TCF4: variants seen among roughly 807,000 people sequenced by gnomAD.
TCF4 encodes the protein transcription factor 4, also known as SL3-3 enhancer factor 2.
TCF4 carries 3 observed loss-of-function variants against 82.1 expected under a neutral mutation model. That is an observed-to-expected ratio of 0.04 (90% confidence interval 0.02 to 0.09). The LOEUF (loss-of-function observed/expected upper bound fraction) is 0.09. Ranked by LOEUF, TCF4 falls within the 10% of genes least tolerant of loss-of-function variation. TCF4 has a pLI of 1.00. For missense variants in TCF4, 518 were observed against 852.7 expected, an observed-to-expected ratio of 0.61 and a Z score of 4.89; for synonymous variants, 276 against 309.6, an observed-to-expected ratio of 0.89 and a Z score of 1.14.
intron 2 of TCF4, among the ~76,000 whole-genome samples, chr18:55,622,988 T>C (rs977446489): frequency 4.0e-5 from 6 of 151,812 alleles, no homozygotes; most frequent in East Asian, 1.9e-4. Flanking sequence ...CAGAAAACCA[T>C]AGAGTGGCAG....
At chr18:55,322,592 C>A (rs892149257) in intron 8 of TCF4, among the ~76,000 whole-genome samples, 1 of 152,186 alleles carries the variant, frequency 6.6e-6, no homozygotes, top group Non-Finnish European at 1.5e-5. Flanking sequence ...CCGGCCTCCC[C>A]GGAGCTGGTG....
intron 8 of TCF4, among the ~76,000 whole-genome samples, chr18:55,304,858 G>A (rs897657517): frequency 2.6e-5 from 4 of 152,120 alleles, no homozygotes; most frequent in Non-Finnish European, 4.4e-5. Flanking sequence ...AGCCTGAACC[G>A]CCTTTCAAGC....
intron 5 of TCF4, among the ~76,000 whole-genome samples, chr18:55,420,899 GAA>G (rs377458803): frequency 3.5e-3 from 350 of 101,370 alleles, no homozygotes; most frequent in African/African-American, 8.7e-3. Flanking sequence ...CGCTTTAAAA[GAA>G]AAAAAAAAAA....
chr18:55,232,826 C>T (rs1475372685), intron 16 of TCF4, among the ~76,000 whole-genome samples, 155 bp from the exon 17 acceptor site: 1 of 152,224 alleles, frequency 6.6e-6, no homozygotes, highest in East Asian at 1.9e-4. Flanking sequence ...TCAAAAAATG[C>T]ACCTGCAGAA....
At chr18:55,301,026 AC>A (rs1328903094) in intron 8 of TCF4, among the ~76,000 whole-genome samples, 1 of 152,114 alleles carries the variant, frequency 6.6e-6, no homozygotes, top group Non-Finnish European at 1.5e-5. Flanking sequence ...GTCCCTCAGC[AC>A]ATCCGGCCTG....
chr18:55,514,900 G>A (rs914454120), intron 3 of TCF4, among the ~76,000 whole-genome samples: 1 of 151,732 alleles, frequency 6.6e-6, no homozygotes, highest in African/African-American at 2.4e-5. Flanking sequence ...TGTAATATAT[G>A]GTTTATTACT....
chr18:55,334,179 A>G lies in TCF4; in HGVS notation c.549+16180T>C, dbSNP rs138851979. The stretch of plus-strand genomic sequence containing the variant: ...CTAAACTGCTAATTCAAATAAAACC[A>G]TAATATTAAGAGCATTATCTTTTAT... On this transcript the variant is annotated intron_variant, in intron 8 of 19. Coordinates refer to ENST00000354452, the MANE Select transcript of TCF4 (RefSeq NM_001083962.2). 2.0e-5 allele frequency among the ~76,000 whole-genome samples: 3 copies of G among 152,338 alleles called. No individual in the cohort carries two copies. The East Asian group carries it at 5.8e-4, about 29-fold the overall frequency.
At chr18:55,623,490 A>G (rs908902074) in intron 2 of TCF4, among the ~76,000 whole-genome samples, 2 of 152,222 alleles carry the variant, frequency 1.3e-5, no homozygotes, top group African/African-American at 4.8e-5. Context: ...CAACATTCAA[A>G]TCATCTTGCA....
chr18:55,625,764 C>G (rs1204798622), intron 2 of TCF4, among the ~76,000 whole-genome samples: 1 of 152,114 alleles, frequency 6.6e-6, no homozygotes, highest in Non-Finnish European at 1.5e-5. Flanking sequence ...TTTTCCTTGA[C>G]CTCTACATTC....
chr18:55,590,468 C>T (rs992791105), upstream of TCF4, among the ~76,000 whole-genome samples: 3 of 152,222 alleles, frequency 2.0e-5, no homozygotes, highest in African/African-American at 7.2e-5. Flanking sequence ...GTGCCATAAG[C>T]CACGACTGAC....
At chr18:55,434,693 C>T (rs1157053843) in intron 5 of TCF4, among the ~76,000 whole-genome samples, 8 of 150,588 alleles carry the variant, frequency 5.3e-5, no homozygotes, top group Admixed American at 1.3e-4. Flanking sequence ...TCCCAAAGTG[C>T]TGGGATTACA....
At chr18:55,323,347 T>C (rs896951115) in intron 8 of TCF4, among the ~76,000 whole-genome samples, 2 of 152,126 alleles carry the variant, frequency 1.3e-5, no homozygotes, top group African/African-American at 4.8e-5. Flanking sequence ...TCCTTACAAC[T>C]CAATATGCTA....
intron 3 of TCF4, among the ~76,000 whole-genome samples, chr18:55,497,742 A>G (rs1236614893): frequency 6.6e-6 from 1 of 152,222 alleles, no homozygotes; most frequent in Non-Finnish European, 1.5e-5. Flanking sequence ...AAAACAGAAG[A>G]CCTCACAATA....
At chr18:55,331,598 C>T (rs758106138) in intron 8 of TCF4, among the ~76,000 whole-genome samples, 13 of 152,064 alleles carry the variant, frequency 8.5e-5, no homozygotes, top group Non-Finnish European at 1.3e-4. Flanking sequence ...CGGAAAAACA[C>T]GATAGCCAGC....
chr18:55,478,556 A>C (rs1003744843), intron 3 of TCF4, among the ~76,000 whole-genome samples: 1 of 152,192 alleles, frequency 6.6e-6, no homozygotes, highest in African/African-American at 2.4e-5. Flanking sequence ...GGTACACAAA[A>C]GAAACCGCGA....
At chr18:55,390,351 G>A (rs1292419635) in intron 6 of TCF4, among the ~76,000 whole-genome samples, 6,060 of 151,018 alleles carry the variant, frequency 0.04, 192 homozygotes, top group South Asian at 0.17. Flanking sequence ...AAGGCCTCAT[G>A]GTTACTATAC....
At chr18:55,419,844 AG>A (rs1362111254) in intron 5 of TCF4, among the ~76,000 whole-genome samples, 1 of 152,256 alleles carries the variant, frequency 6.6e-6, no homozygotes, top group Non-Finnish European at 1.5e-5. Flanking sequence ...GAATACTGGC[AG>A]GAACACTGGC....
intron 2 of TCF4, among the ~76,000 whole-genome samples, chr18:55,622,665 C>G (rs976762977): frequency 6.6e-6 from 1 of 152,004 alleles, no homozygotes; most frequent in African/African-American, 2.4e-5. Flanking sequence ...GCAAGTGATC[C>G]GCCCAAAGTC....
intron 5 of TCF4, among the ~76,000 whole-genome samples, chr18:55,459,408 CT>C (rs1202015285): frequency 6.6e-6 from 1 of 152,128 alleles, no homozygotes; most frequent in African/African-American, 2.4e-5. Flanking sequence ...AGAGTTAAAA[CT>C]TTTTTCACAT....
Sources: gnomAD v4.1 joint callset for allele counts (sites outside exome capture counted in the v4.1 genomes callset) on GRCh38, gnomAD v4.1.1 for gene constraint, MANE v1.5 for transcripts, NCBI Gene and HGNC (gene_info 2026-07-23, HGNC 2026-07-21) for gene names.